The following MYO5B variants were observed in gnomAD, a reference collection of about 807,000 sequenced individuals.
The protein encoded by MYO5B is myosin VB, also known as unconventional myosin-Vb.
A neutral mutation model predicts 229.3 loss-of-function variants in MYO5B; 143 were observed. That is an observed-to-expected ratio of 0.62 (90% CI 0.54 to 0.72). The LOEUF is 0.72. Ranked by LOEUF, MYO5B falls within the 30% of genes least tolerant of loss-of-function variation. The pLI is 0.00. For synonymous variants in MYO5B, 918 were observed against 885.2 expected (o/e 1.04, Z -0.66); for missense variants, 2,321 against 2,331.0 (o/e 1.00, Z 0.09).
At chr18:50,015,608 G>A (rs574503506) in intron 4 of MYO5B, among the ~76,000 whole-genome samples, 31 of 152,278 alleles carry the variant, frequency 2.0e-4, no homozygotes, top group Non-Finnish European at 2.9e-4. Context: ...TTCTGTTGGC[G>A]CAGCAGGTGT....
intron 9 of MYO5B, among the ~76,000 whole-genome samples, chr18:49,979,763 G>T (rs2025794525): frequency 6.6e-6 from 1 of 152,154 alleles, no homozygotes; most frequent in Non-Finnish European, 1.5e-5. Flanking sequence ...CCTATCCAAG[G>T]TTAGAATACC....
intron 14 of MYO5B, among the ~76,000 whole-genome samples, chr18:49,938,079 G>C (rs943868636): frequency 6.6e-6 from 1 of 152,118 alleles, no homozygotes; most frequent in Non-Finnish European, 1.5e-5. Flanking sequence ...GCAAAGATGC[G>C]CAGAACTTCA....
Position 50,194,991 on chromosome 18 carries a change from G to T in MYO5B, c.-198C>A. ...CGGCGGCGCGACCTTTACTCCCGCC[G>T]CGGCGGCGCAGCTACGGCCGGACAG... On this transcript the variant is annotated 5_prime_UTR_variant, in exon 1 of 40. Coordinates refer to ENST00000285039, the MANE Select transcript of MYO5B (RefSeq NM_001080467.3). The T allele has an allele frequency of 1.4e-6, 1 of 713,148 alleles. No individual in the cohort carries two copies. Among genetic ancestry groups the T allele is most frequent in the Non-Finnish European group, 1.9e-6 (1 of 524,516 alleles). 44.2% of individuals were successfully genotyped at this position (713,148 alleles called of 1,614,324 possible). A position where few individuals can be genotyped will look rare whatever the true frequency, so the allele number is the denominator to read the frequency against.
At chr18:49,970,127 G>A (rs1256596719) in intron 10 of MYO5B, 9 of 152,256 alleles carry the variant, frequency 5.9e-5, no homozygotes, top group African/African-American at 9.6e-5. Flanking sequence ...ATCAGGCCTA[G>A]AGAGGCAAAT....
At chr18:49,963,123 G>A (rs1163671287) in intron 10 of MYO5B, 93 bp from the exon 11 acceptor site, 9 of 954,912 alleles carry the variant, frequency 9.4e-6, no homozygotes, top group African/African-American at 3.2e-5. Flanking sequence ...GGTCTCCCCC[G>A]ATGCCACTAC....
At chr18:49,919,591 A>G (rs1341897773) in intron 17 of MYO5B, among the ~76,000 whole-genome samples, 2 of 152,250 alleles carry the variant, frequency 1.3e-5, no homozygotes, top group Non-Finnish European at 2.9e-5. Context: ...ATCATTAGTC[A>G]TCAGGAAAAC....
At chr18:50,105,863 CA>C in intron 1 of MYO5B, among the ~76,000 whole-genome samples, 1 of 152,248 alleles carries the variant, frequency 6.6e-6, no homozygotes, top group Non-Finnish European at 1.5e-5. Context: ...CCCAGCTCAG[CA>C]CCTTCCAGTG....
intron 16 of MYO5B, among the ~76,000 whole-genome samples, chr18:49,933,403 G>T (rs943776939): frequency 6.6e-6 from 1 of 152,226 alleles, no homozygotes; most frequent in Non-Finnish European, 1.5e-5. Flanking sequence ...AAGCATAGGG[G>T]ACATGTCTTA....
rs2023786830 is a variant in MYO5B at position 49,822,865 on chromosome 18, A to G, written c.*3606T>C. 1 of 152,262 alleles carries G rather than the reference A, an allele frequency of 6.6e-6. No homozygotes were observed. Among genetic ancestry groups the G allele is most frequent in the Admixed American group, 6.5e-5 (1 of 15,292 alleles). 9.4% of individuals were successfully genotyped at this position (152,262 alleles called of 1,614,324 possible). On this transcript the variant is annotated 3_prime_UTR_variant, in exon 40 of 40. Coordinates refer to ENST00000285039, the MANE Select transcript of MYO5B (RefSeq NM_001080467.3). ...ATTTTTATCCACAGCTAAATATTAC[A>G]GTGACTATTACAAGCATTTTTCTAT...
rs117980850 is a variant in MYO5B, at chr18:49,931,298, A to G, written c.2004-1700T>C. On this transcript the variant is annotated intron_variant, in intron 16 of 39. Transcript: ENST00000285039. ...GCACATCAGCCCTGGGTCTCATCCC[A>G]TGAGACACCCACACTCTCCCCTCCA... 3.0e-3 allele frequency among the ~76,000 whole-genome samples: 455 copies of G among 152,196 alleles called. 10 individuals are homozygous for G. In the East Asian group the frequency reaches 0.071, roughly 24 times the overall value.
chr18:49,894,847 T>C, intron 22 of MYO5B, 94 bp downstream of exon 22: 1 of 1,111,772 alleles, frequency 9.0e-7, no homozygotes, highest in South Asian at 1.3e-5. Flanking sequence ...ACCATGGCAA[T>C]TTTACCACTT....
chr18:50,028,365 T>A (rs1471883874), intron 4 of MYO5B, among the ~76,000 whole-genome samples: 1 of 152,166 alleles, frequency 6.6e-6, no homozygotes, highest in Non-Finnish European at 1.5e-5. Flanking sequence ...GAGTACCTCA[T>A]CACGTCACAT....
intron 28 of MYO5B, 30 bp downstream of exon 28, chr18:49,864,111 C>T (rs758964261): frequency 9.4e-6 from 15 of 1,602,618 alleles, no homozygotes; most frequent in Non-Finnish European, 1.3e-5. Context: ...CACCCCTCGG[C>T]AGCCCCACCG....
chr18:50,083,739 G>A (rs1033893254), intron 1 of MYO5B, among the ~76,000 whole-genome samples: 4 of 152,076 alleles, frequency 2.6e-5, no homozygotes, highest in African/African-American at 7.2e-5. Context: ...TTACAAGGTG[G>A]ATCACCAAGG....
At chr18:49,915,835 G>A (rs1278807455) in intron 17 of MYO5B, among the ~76,000 whole-genome samples, 1 of 152,214 alleles carries the variant, frequency 6.6e-6, no homozygotes, top group Non-Finnish European at 1.5e-5. Context: ...ACACACGCCA[G>A]CATGGCTGAA....
chr18:50,073,282 T>C (rs1340658478), intron 1 of MYO5B, among the ~76,000 whole-genome samples: 1 of 152,082 alleles, frequency 6.6e-6, no homozygotes, highest in Non-Finnish European at 1.5e-5. Flanking sequence ...TTATATCAAT[T>C]TTATCACTCA....
rs56278513 is a variant in MYO5B at position 49,929,610 on chromosome 18, GAAA to G, written c.2004-15_2004-13del. 4.4e-3 allele frequency: 5,497 copies of G among 1,260,590 alleles called. No homozygotes were observed. Among genetic ancestry groups the G allele is most frequent in the Admixed American group, 5.1e-3 (229 of 44,552 alleles). 78.1% of individuals were successfully genotyped at this position (1,260,590 alleles called of 1,614,324 possible). ...TCTTTGGGTCAAAGCTGCCAAAGGAGAAAAAAAAAAAAAAAAGCAAGACAAGAG... is the reference window on the plus strand; with the variant it reads ...TCTTTGGGTCAAAGCTGCCAAAGGAGAAAAAAAAAAAAAGCAAGACAAGAG... On this transcript the variant is annotated splice_polypyrimidine_tract_variant and intron_variant, in intron 16 of 39. Transcript: ENST00000285039.
chr18:49,896,623 A>G (rs1428737354), intron 21 of MYO5B, among the ~76,000 whole-genome samples: 1 of 152,156 alleles, frequency 6.6e-6, no homozygotes, highest in African/African-American at 2.4e-5. Context: ...ACTAGGCAGG[A>G]GGTCTCTAGG....
intron 1 of MYO5B, among the ~76,000 whole-genome samples, chr18:50,132,468 G>T (rs2032269089): frequency 6.6e-6 from 1 of 152,304 alleles, no homozygotes; most frequent in Non-Finnish European, 1.5e-5. Context: ...ACATCACAAT[G>T]GTTCTGTGTA....
Sources: gnomAD v4.1 joint callset for allele counts (sites outside exome capture counted in the v4.1 genomes callset) on GRCh38, gnomAD v4.1.1 for gene constraint, MANE v1.5 for transcripts, NCBI Gene and HGNC (gene_info 2026-07-23, HGNC 2026-07-21) for gene names.